Variants in FBXL17 observed in about 807,000 individuals in gnomAD.
The protein encoded by FBXL17 is F-box and leucine rich repeat protein 17.
A neutral mutation model predicts 66.2 loss-of-function variants in FBXL17; 22 were observed. The observed-to-expected ratio is 0.33, with a 90% CI of 0.24 to 0.47. The LOEUF is 0.47. Among genes scored for constraint, FBXL17 ranks in the 20% least tolerant of loss-of-function variants. The pLI, the probability that FBXL17 is intolerant of heterozygous loss-of-function variation, is 1.00. For missense variants in FBXL17, 878 were observed against 948.2 expected (o/e 0.93, Z 0.97); for synonymous variants, 474 against 400.5 (o/e 1.18, Z -2.19).
chr5:107,890,274 T>TA (rs1238008568), intron 7 of FBXL17, among the ~76,000 whole-genome samples: 1 of 152,002 alleles, frequency 6.6e-6, no homozygotes, highest in Non-Finnish European at 1.5e-5. Flanking sequence ...GTCTCTGTCA[T>TA]ACATCTGCCT....
At chr5:108,142,458 C>G (rs1406713282) in intron 6 of FBXL17, among the ~76,000 whole-genome samples, 1 of 152,164 alleles carries the variant, frequency 6.6e-6, no homozygotes, top group African/African-American at 2.4e-5. Flanking sequence ...TTTCTAGATG[C>G]TCCTTACTAT....
intron 7 of FBXL17, among the ~76,000 whole-genome samples, chr5:107,899,598 C>G (rs1232452025): frequency 6.6e-6 from 1 of 152,196 alleles, no homozygotes; most frequent in Non-Finnish European, 1.5e-5. Flanking sequence ...GATTGCTGCA[C>G]TGCACTCCAG....
chr5:107,927,985 A>C lies in FBXL17; in HGVS notation c.1823-46806T>G, dbSNP rs368867618. Among the ~76,000 whole-genome samples, 54 of 152,248 alleles carry C rather than the reference A, an allele frequency of 3.5e-4. 1 individual carries two copies. The highest frequency in any genetic ancestry group is 1.3e-3 in the African/African-American group (53 of 41,584). On this transcript the variant is annotated intron_variant, in intron 7 of 8. Transcript: ENST00000542267. ...TAAGAATGGCAAATGATATTTAAAA[A>C]TGACTGCATTTCTCACCATCTGAAA...
chr5:108,170,571 T>TG (rs1185044402), intron 6 of FBXL17, among the ~76,000 whole-genome samples: 1 of 152,196 alleles, frequency 6.6e-6, no homozygotes, highest in Non-Finnish European at 1.5e-5. Context: ...TCTCACTCTG[T>TG]CGTCCAGGCT....
At chr5:108,352,167 A>G (rs1208169038) in intron 3 of FBXL17, among the ~76,000 whole-genome samples, 1 of 152,212 alleles carries the variant, frequency 6.6e-6, no homozygotes, top group Non-Finnish European at 1.5e-5. Context: ...CCATCATTTA[A>G]TCTCACTGCA....
At chr5:107,946,638 A>G (rs1751308882) in intron 7 of FBXL17, among the ~76,000 whole-genome samples, 1 of 151,906 alleles carries the variant, frequency 6.6e-6, no homozygotes, top group Non-Finnish European at 1.5e-5. Flanking sequence ...ACAATCTTGT[A>G]TCTTGAAATC....
intron 1 of FBXL17, among the ~76,000 whole-genome samples, chr5:108,372,571 A>G (rs1749117439): frequency 6.6e-6 from 1 of 152,204 alleles, no homozygotes; most frequent in South Asian, 2.1e-4. Flanking sequence ...ACAATCAACA[A>G]CTGATTTTTC....
At chr5:107,903,620 T>C (rs1749645989) in intron 7 of FBXL17, among the ~76,000 whole-genome samples, 1 of 152,170 alleles carries the variant, frequency 6.6e-6, no homozygotes, top group Non-Finnish European at 1.5e-5. Context: ...CAGAAGCCTG[T>C]ATTCTTATAT....
At chr5:108,341,410 G>A (rs563879595) in intron 4 of FBXL17, among the ~76,000 whole-genome samples, 4 of 152,214 alleles carry the variant, frequency 2.6e-5, no homozygotes, top group African/African-American at 7.2e-5. Flanking sequence ...ACAACAGTAC[G>A]AATGTAAGAC....
At chr5:108,084,904 A>T (rs1333137173) in intron 6 of FBXL17, among the ~76,000 whole-genome samples, 1 of 152,224 alleles carries the variant, frequency 6.6e-6, no homozygotes. Context: ...ATATTTTAAC[A>T]CTTACAATTC....
intron 8 of FBXL17, among the ~76,000 whole-genome samples, chr5:107,874,502 G>C (rs539658089): frequency 6.6e-6 from 1 of 152,268 alleles, no homozygotes; most frequent in South Asian, 2.1e-4. Flanking sequence ...TTTTCAGTTG[G>C]TGAATTTGAG....
At chr5:107,956,789 G>A (rs1472369529) in intron 7 of FBXL17, among the ~76,000 whole-genome samples, 1 of 152,062 alleles carries the variant, frequency 6.6e-6, no homozygotes, top group Non-Finnish European at 1.5e-5. Flanking sequence ...CTGATTTCAA[G>A]AAATATTGAA....
chr5:107,870,982 AACCTCATACCGGT>A (rs1311402744), intron 8 of FBXL17, among the ~76,000 whole-genome samples: 1 of 149,292 alleles, frequency 6.7e-6, no homozygotes, highest in Non-Finnish European at 1.5e-5. Flanking sequence ...TTCATGCATG[AACCTCATACCGGT>A]AGCCTGGGGT....
rs965324797 is a variant in FBXL17, at chr5:108,013,212, C to G, written c.1822+7713G>C. Among the ~76,000 whole-genome samples the G allele has an allele frequency of 2.0e-5, 3 of 152,040 alleles. No individual in the cohort carries two copies. In the South Asian group the frequency reaches 6.2e-4, roughly 32 times the overall value. On this transcript the variant is annotated intron_variant, in intron 7 of 8. Transcript: ENST00000542267. Reference sequence around the variant, plus strand: ...TAGTGATAACCCAAAGTAATATTTCCTTTTACATAATATATGTTAATGGAA... The same window carrying G: ...TAGTGATAACCCAAAGTAATATTTCGTTTTACATAATATATGTTAATGGAA...
chr5:108,245,064 A>G (rs1756032469), intron 4 of FBXL17, among the ~76,000 whole-genome samples: 1 of 152,176 alleles, frequency 6.6e-6, no homozygotes, highest in South Asian at 2.1e-4. Flanking sequence ...TTTGTAAAGG[A>G]AATATATCAG....
At chr5:107,931,184 G>A (rs1288569507) in intron 7 of FBXL17, among the ~76,000 whole-genome samples, 2 of 151,722 alleles carry the variant, frequency 1.3e-5, no homozygotes, top group Non-Finnish European at 2.9e-5. Context: ...TTGACTTGAT[G>A]TTGCTTTTGC....
At chr5:108,080,185 T>G (rs914305615) in intron 6 of FBXL17, among the ~76,000 whole-genome samples, 8 of 152,214 alleles carry the variant, frequency 5.3e-5, no homozygotes, top group African/African-American at 1.9e-4. Context: ...TAAATTTACC[T>G]TACAGCAAAA....
chr5:108,064,928 T>G (rs556134285), intron 6 of FBXL17, among the ~76,000 whole-genome samples: 18 of 152,260 alleles, frequency 1.2e-4, no homozygotes, highest in Admixed American at 9.8e-4. Context: ...TAATTTTAGC[T>G]TTTTAAATTT....
intron 4 of FBXL17, among the ~76,000 whole-genome samples, chr5:108,346,777 T>C (rs1544741): frequency 0.85 from 129,939 of 152,078 alleles, 55,811 homozygotes; most frequent in African/African-American, 0.95. Context: ...TATCAATAAC[T>C]TCATTTACAA....
Sources: allele counts gnomAD v4.1 joint callset (sites outside exome capture counted in the v4.1 genomes callset), GRCh38; gene constraint gnomAD v4.1.1; transcripts MANE v1.5; gene names NCBI Gene and HGNC (gene_info 2026-07-23, HGNC 2026-07-21).